The following SLC13A4 variants were observed in gnomAD, a reference collection of about 807,000 sequenced individuals.
SLC13A4 encodes Na(+)/sulfate cotransporter SUT-1.
Under a neutral mutation model 72.7 loss-of-function variants are expected in SLC13A4, and 28 were observed. The ratio of observed to expected loss-of-function variants is 0.39; its 90% CI spans 0.29 to 0.53. SLC13A4 has a LOEUF of 0.53. SLC13A4 is among the 20% of genes least tolerant of loss of function. The pLI, the probability that SLC13A4 is intolerant of heterozygous loss-of-function variation, is 0.78. For synonymous variants in SLC13A4, 312 were observed against 325.5 expected, an observed-to-expected ratio of 0.96 and a Z score of 0.45; for missense variants, 653 against 788.0, an observed-to-expected ratio of 0.83 and a Z score of 2.05.
rs1796155320 is a variant in SLC13A4, at chr7:135,706,141, C to T, written c.525G>A (p.Glu175=). The change falls in exon 4 of 16, where the codon GAG becomes GAA. Residue 175 remains glutamate (E), a synonymous_variant. Coordinates refer to ENST00000682651, the MANE Select transcript of SLC13A4 (RefSeq NM_001318192.2). The stretch of plus-strand genomic sequence containing the variant: ...AGCAAACTGTACTGATGGGTTCGGC[C>T]TCTTCGGTGTTGGAGTTGCCCGCCA... The part of the protein sequence containing the change: ...QLVAGNSNTE[E]AEPISLDVKN... 6.2e-7 allele frequency: 1 copy of T among 1,602,928 alleles called. No homozygotes were observed. Among genetic ancestry groups the T allele is most frequent in the African/African-American group, 1.3e-5 (1 of 74,870 alleles).
At chr7:135,695,545 T>TG (rs777934122) in intron 8 of SLC13A4, 58 bp from the exon 9 acceptor site, 4 of 1,564,400 alleles carry the variant, frequency 2.6e-6, no homozygotes, top group Non-Finnish European at 3.5e-6. Flanking sequence ...TATGGTATTT[T>TG]GGGGTAGTAT....
In SLC13A4 at chr7:135,727,454, G is replaced by C. The variant is rs778055510; in HGVS notation, c.43C>G (p.Leu15Val). 7.1e-6 allele frequency: 11 copies of C among 1,550,260 alleles called. No homozygotes were observed. In the Middle Eastern group the frequency reaches 9.2e-4, roughly 130 times the overall value. ...AGCAGGAGCGGGACGCAGACGACCA[G>C]CAGCAGCTTCCGGACTCGGAGCAGG... ...QGLLRVRKLL[L>V]VVCVPLLLLP... The change falls in exon 1 of 16, where the codon CTG (leucine) becomes GTG (valine). Residue 15 changes from leucine (L) to valine (V), a missense_variant. Transcript: ENST00000682651.
chr7:135,715,388 TG>T (rs1028716223), intron 2 of SLC13A4, among the ~76,000 whole-genome samples: 1 of 143,734 alleles, frequency 7.0e-6, no homozygotes, highest in Non-Finnish European at 1.5e-5. Context: ...TGAGTGTGTA[TG>T]TGTGAACATG....
chr7:135,682,436 T>C (rs532662762), intron 15 of SLC13A4, among the ~76,000 whole-genome samples: 2 of 152,322 alleles, frequency 1.3e-5, no homozygotes, highest in South Asian at 2.1e-4. Context: ...ACCAGGCATA[T>C]AGCATGTAGC....
At chr7:135,697,585 CCTT>C (rs1288648502) in intron 8 of SLC13A4, among the ~76,000 whole-genome samples, 2 of 145,756 alleles carry the variant, frequency 1.4e-5, no homozygotes, top group Non-Finnish European at 3.0e-5. Flanking sequence ...AATCTGTTCT[CCTT>C]TTTTTTTTTT....
At chr7:135,708,305 A>G in intron 2 of SLC13A4, 55 bp from the exon 3 acceptor site, 2 of 1,607,784 alleles carry the variant, frequency 1.2e-6, no homozygotes, top group Non-Finnish European at 1.7e-6. Context: ...CCCAGGGCCC[A>G]GCACCAGCTG....
intron 7 of SLC13A4, among the ~76,000 whole-genome samples, chr7:135,701,195 A>G (rs1796026711): frequency 6.6e-6 from 1 of 152,262 alleles, no homozygotes; most frequent in Non-Finnish European, 1.5e-5. Context: ...GATGGATATT[A>G]AACAAGTGAG....
Position 135,702,848 on chromosome 7 carries a change from G to C in SLC13A4, c.630C>G (p.Asn210Lys), listed in dbSNP as rs374778475. Residue 210 changes from asparagine (N) to lysine (K), a missense_variant, in exon 6 of 16, where the codon AAC (asparagine) becomes AAG (lysine). By Grantham distance (94) the Asn-to-Lys change is moderately conservative (BLOSUM62 0). Transcript: ENST00000682651. ...CAGAAAAACCCCAAGGCCATACCTCGTTGTGCATCAGAGTGGTGAGGTCTG... is the reference window on the plus strand; with the variant it reads ...CAGAAAAACCCCAAGGCCATACCTCCTTGTGCATCAGAGTGGTGAGGTCTG... ...SNADLTTLMHNENLNGVPSIT... is the reference protein window; with the variant it reads ...SNADLTTLMHKENLNGVPSIT... The C allele has an allele frequency of 6.2e-7, 1 of 1,613,560 alleles. No homozygotes were observed. The highest frequency in any genetic ancestry group is 1.7e-5 in the Admixed American group (1 of 60,008).
At chr7:135,697,929 C>T (rs3110797) in intron 8 of SLC13A4, among the ~76,000 whole-genome samples, 96,694 of 152,142 alleles carry the variant, frequency 0.64, 31,278 homozygotes, top group East Asian at 0.88. Context: ...TGCAAATGGG[C>T]GAGCTCTCCC....
chr7:135,682,950 A>G (rs1302187322), intron 15 of SLC13A4, among the ~76,000 whole-genome samples: 3 of 151,958 alleles, frequency 2.0e-5, no homozygotes, highest in Non-Finnish European at 4.4e-5. Context: ...TGGCTGGGAC[A>G]CTCCATTCAA....
At chr7:135,705,792 G>C in intron 4 of SLC13A4, 142 bp from the exon 5 acceptor site, 1 of 721,996 alleles carries the variant, frequency 1.4e-6, no homozygotes, top group Non-Finnish European at 2.4e-6. Context: ...TCTGTAAATA[G>C]AATGGGGCTC....
At chr7:135,684,737 G>C (rs1254179641) in intron 14 of SLC13A4, among the ~76,000 whole-genome samples, 1 of 149,774 alleles carries the variant, frequency 6.7e-6, no homozygotes, top group East Asian at 2.0e-4. Flanking sequence ...AGTTTTAACT[G>C]CACTCTGTTG....
intron 15 of SLC13A4, chr7:135,683,786 T>C (rs545740794): frequency 2.0e-6 from 2 of 985,384 alleles, no homozygotes; most frequent in African/African-American, 1.7e-5. Flanking sequence ...GCTTTCTCAA[T>C]GAATGTCTCC....
chr7:135,689,617 A>G (rs894919408), intron 13 of SLC13A4, among the ~76,000 whole-genome samples: 8 of 152,180 alleles, frequency 5.3e-5, no homozygotes, highest in African/African-American at 1.7e-4. Flanking sequence ...CATGTTAATA[A>G]TTATTATCTA....
At chr7:135,706,611 C>T (rs1796167870) in intron 3 of SLC13A4, among the ~76,000 whole-genome samples, 1 of 152,238 alleles carries the variant, frequency 6.6e-6, no homozygotes, top group Non-Finnish European at 1.5e-5. Context: ...CATTGTTTTT[C>T]TGTCTCCACG....
chr7:135,713,409 G>A (rs1202526819), intron 2 of SLC13A4, among the ~76,000 whole-genome samples: 1 of 152,100 alleles, frequency 6.6e-6, no homozygotes, highest in East Asian at 1.9e-4. Flanking sequence ...GGGCTCTGAA[G>A]TTCAGATGAG....
chr7:135,702,828 A>G lies in SLC13A4; in HGVS notation c.633+17T>C. The G allele has an allele frequency of 6.2e-7, 1 of 1,612,218 alleles. No individual in the cohort carries two copies. Among genetic ancestry groups the G allele is most frequent in the Non-Finnish European group, 8.5e-7 (1 of 1,178,228 alleles). Reference sequence around the variant, plus strand: ...TTTCAAGTGATTCCAAAGCACAGAAAAACCCCAAGGCCATACCTCGTTGTG... The same window carrying G: ...TTTCAAGTGATTCCAAAGCACAGAAGAACCCCAAGGCCATACCTCGTTGTG... On this transcript the variant is annotated intron_variant, in intron 6 of 15. Transcript: ENST00000682651.
At chr7:135,707,367 G>A (rs1796188087) in intron 3 of SLC13A4, 1 of 152,148 alleles carries the variant, frequency 6.6e-6, no homozygotes, top group South Asian at 2.1e-4. Flanking sequence ...TGACAATCTG[G>A]GAGACAGGAA....
intron 13 of SLC13A4, chr7:135,689,154 A>G (rs1795715199): frequency 6.6e-6 from 1 of 152,240 alleles, no homozygotes; most frequent in South Asian, 2.1e-4. Context: ...AAGTGCTGGG[A>G]TTACAGACAT....
Sources: gnomAD v4.1 joint callset for allele counts (sites outside exome capture counted in the v4.1 genomes callset) on GRCh38, gnomAD v4.1.1 for gene constraint, MANE v1.5 for transcripts, NCBI Gene and HGNC (gene_info 2026-07-23, HGNC 2026-07-21) for gene names.